Variants in MCIDAS observed in about 807,000 individuals in gnomAD.
The protein encoded by MCIDAS is multiciliate differentiation and DNA synthesis associated cell cycle protein.
Under a neutral mutation model 35.4 loss-of-function variants are expected in MCIDAS, and 23 were observed. The ratio of observed to expected loss-of-function variants is 0.65; its 90% CI spans 0.47 to 0.92. The LOEUF is 0.92. Among genes scored for constraint, MCIDAS ranks in the 40% least tolerant of loss-of-function variants. MCIDAS has a pLI of 0.00. For synonymous variants in MCIDAS, 228 were observed against 235.2 expected (o/e 0.97, Z 0.28); for missense variants, 480 against 531.8 (o/e 0.90, Z 0.96).
Position 55,220,530 on chromosome 5 carries a change from G to A in MCIDAS, c.994C>T (p.Arg332Trp). Residue 332 changes from arginine to tryptophan, a missense_variant, in exon 7 of 7, where the codon CGG becomes TGG. Physicochemically the swap from Arg to Trp is moderately radical, Grantham distance 101 (BLOSUM62 -3). Transcript: ENST00000513312. Reference protein sequence around the residue: ...AFRGLRTDCSRSALNLSHSEL... With the variant: ...AFRGLRTDCSWSALNLSHSEL... ...CTGTGGCTCAGGTTCAACGCGCTCC[G>A]GCTGCAGTCTGTGCGCAGCCCCCGG... is the stretch of plus-strand genomic sequence containing the variant. 6.5e-7 allele frequency: 1 copy of A among 1,536,062 alleles called. No individual in the cohort carries two copies. Among genetic ancestry groups the A allele is most frequent in the South Asian group, 1.2e-5 (1 of 84,046 alleles).
chr5:55,222,241 A>G lies in MCIDAS; in HGVS notation c.541T>C (p.Tyr181His), dbSNP rs1437359662. The G allele has an allele frequency of 2.0e-6, 3 of 1,535,908 alleles. No homozygotes were observed. The East Asian group carries it at 7.3e-5, about 38-fold the overall frequency. The change falls in exon 5 of 7, where the codon TAC becomes CAC. Residue 181 changes from tyrosine to histidine, a missense_variant. Transcript: ENST00000513312. ...RPPDVPPPEQ[Y>H]WKEVADQNQR... ...TTCTGGTCCGCCACCTCCTTCCAGT[A>G]TTGCTCAGGCGGGGGCACGTCTGGA...
At chr5:55,220,865 C>G in intron 6 of MCIDAS, 59 bp from the exon 7 acceptor site, 2 of 1,488,178 alleles carry the variant, frequency 1.3e-6, no homozygotes, top group South Asian at 1.3e-5. Flanking sequence ...GGGTTCGGAG[C>G]GTGCAAAAGG....
At position 55,220,382 on chromosome 5, in the gene MCIDAS, C is replaced by A. The variant is rs797045152; in HGVS notation, c.1142G>T (p.Arg381Leu). Residue 381 changes from arginine (R) to leucine (L), a missense_variant, in exon 7 of 7, where the codon CGC (arginine) becomes CTC (leucine). By Grantham distance (102) the Arg-to-Leu change is moderately radical. Transcript: ENST00000513312. ...IRTANGGYKF[R>L]WVPS ...CATCACAGCTCAACTGGGGACCCAG[C>A]GGAACTTGTAACCCCCGTTGGCTGT... 4 of 1,534,764 alleles carry A rather than the reference C, an allele frequency of 2.6e-6. No individual in the cohort carries two copies. Among genetic ancestry groups the A allele is most frequent in the Admixed American group, 2.0e-5 (1 of 50,952 alleles).
chr5:55,220,848 A>C, intron 6 of MCIDAS, 42 bp from the exon 7 acceptor site: 9 of 1,501,848 alleles, frequency 6.0e-6, no homozygotes, highest in Non-Finnish European at 8.0e-6. Context: ...GGCCTGCCGG[A>C]CCCTCCGGGT....
In MCIDAS at chr5:55,227,179, G is replaced by A. The variant is rs1239837996; in HGVS notation, c.-41C>T. 7.1e-7 allele frequency: 1 copy of A among 1,400,732 alleles called. No individual in the cohort carries two copies. The highest frequency in any genetic ancestry group is 1.5e-5 in the African/African-American group (1 of 66,004). 86.8% of individuals were successfully genotyped at this position (1,400,732 alleles called of 1,614,324 possible). A position where few individuals can be genotyped will look rare whatever the true frequency, so the allele number is the denominator to read the frequency against. ...CGGGTGCCGACTGCTCGGAGGCGGC[G>A]GCCCGGGCTGGGGCAGCGATCCACA... On this transcript the variant is annotated 5_prime_UTR_variant, in exon 1 of 7. Coordinates refer to ENST00000513312, the MANE Select transcript of MCIDAS (RefSeq NM_001190787.3).
At chr5:55,220,839 G>T in intron 6 of MCIDAS, 33 bp from the exon 7 acceptor site, 2 of 1,508,534 alleles carry the variant, frequency 1.3e-6, no homozygotes, top group Non-Finnish European at 8.8e-7. Context: ...CCGCCCTGGG[G>T]CCTGCCGGAC....
At position 55,220,449 on chromosome 5, in the gene MCIDAS, G is replaced by T; in HGVS notation, c.1075C>A (p.Arg359Ser). 6.5e-7 allele frequency: 1 copy of T among 1,536,044 alleles called. No homozygotes were observed. The highest frequency in any genetic ancestry group is 8.7e-7 in the Non-Finnish European group (1 of 1,146,910). ...TTGCCCTGGGGGAAGGCGAGGGTGCGGATGGTGCTGTGGCTGCGGATGCGG... is the reference window on the plus strand; with the variant it reads ...TTGCCCTGGGGGAAGGCGAGGGTGCTGATGGTGCTGTGGCTGCGGATGCGG... ...STRIRSHSTI[R>S]TLAFPQGNAF... The change falls in exon 7 of 7, where the codon CGC becomes AGC. Residue 359 changes from arginine to serine, a missense_variant. Coordinates refer to ENST00000513312, the MANE Select transcript of MCIDAS (RefSeq NM_001190787.3).
At position 55,220,445 on chromosome 5, in the gene MCIDAS, G is replaced by GTGCGGATGGTGCTGTGGC. The variant is rs1561114440; in HGVS notation, c.1061_1078dup (p.Ser354_Arg359dup). On this transcript the variant is annotated inframe_insertion, in exon 7 of 7. Coordinates refer to ENST00000513312, the MANE Select transcript of MCIDAS (RefSeq NM_001190787.3). ...GGCATTGCCCTGGGGGAAGGCGAGG[G>GTGCGGATGGTGCTGTGGC]TGCGGATGGTGCTGTGGCTGCGGAT... 6.5e-7 allele frequency: 1 copy of GTGCGGATGGTGCTGTGGC among 1,536,094 alleles called. No individual in the cohort carries two copies. Among genetic ancestry groups the GTGCGGATGGTGCTGTGGC allele is most frequent in the Non-Finnish European group, 8.7e-7 (1 of 1,146,906 alleles).
chr5:55,220,830 C>T, intron 6 of MCIDAS, 24 bp from the exon 7 acceptor site: 11 of 1,511,858 alleles, frequency 7.3e-6, no homozygotes, highest in Non-Finnish European at 8.8e-6. Flanking sequence ...GGAAGAGCGC[C>T]GCCCTGGGGC....
At chr5:55,225,073 G>C (rs1745433368) in intron 3 of MCIDAS, among the ~76,000 whole-genome samples, 1 of 152,148 alleles carries the variant, frequency 6.6e-6, no homozygotes. Context: ...GCTGGCCGTG[G>C]TGTGTGCACC....
chr5:55,227,140 G>A lies in MCIDAS; in HGVS notation c.-2C>T. 1 of 1,442,906 alleles carries A rather than the reference G, an allele frequency of 6.9e-7. No homozygotes were observed. The highest frequency in any genetic ancestry group is 9.0e-7 in the Non-Finnish European group (1 of 1,106,286). 89.4% of individuals were successfully genotyped at this position (1,442,906 alleles called of 1,614,324 possible). ...CGCGCCGCCCCCGCACGCCTGCATT[G>A]TGCCTCCTGCCTCCGGGTGCCGACT... On this transcript the variant is annotated 5_prime_UTR_variant, in exon 1 of 7. Transcript: ENST00000513312.
intron 4 of MCIDAS, 85 bp downstream of exon 4, chr5:55,222,866 T>C: frequency 8.7e-7 from 1 of 1,143,278 alleles, no homozygotes; most frequent in Non-Finnish European, 1.2e-6. Flanking sequence ...GTTTACCACC[T>C]TCACGACCAC....
intron 3 of MCIDAS, among the ~76,000 whole-genome samples, chr5:55,224,630 T>C (rs997375369): frequency 1.3e-5 from 2 of 152,192 alleles, no homozygotes; most frequent in Non-Finnish European, 1.5e-5. Flanking sequence ...AAAAGTCTCA[T>C]GAGGAGACTG....
intron 4 of MCIDAS, among the ~76,000 whole-genome samples, 159 bp from the exon 5 acceptor site, chr5:55,222,558 A>G: frequency 6.6e-6 from 1 of 152,198 alleles, no homozygotes. Context: ...CCTTCCTGAT[A>G]GCCTGTACAT....
chr5:55,222,870 C>G, intron 4 of MCIDAS, 81 bp downstream of exon 4: 1 of 1,306,114 alleles, frequency 7.7e-7, no homozygotes, highest in Non-Finnish European at 1.1e-6. Context: ...ACCACCTTCA[C>G]GACCACGAAA....
Position 55,220,469 on chromosome 5 carries a change from A to G in MCIDAS, c.1055T>C (p.Ile352Thr), listed in dbSNP as rs572572363. ...GGTGCGGATGGTGCTGTGGCTGCGGATGCGGGTGCTGAAGGAGCCGCCCTC... is the reference window on the plus strand; with the variant it reads ...GGTGCGGATGGTGCTGTGGCTGCGGGTGCGGGTGCTGAAGGAGCCGCCCTC... The part of the protein sequence containing the change: ...LEEGGSFSTR[I>T]RSHSTIRTLA... The change falls in exon 7 of 7, where the codon ATC (isoleucine) becomes ACC (threonine). Residue 352 changes from isoleucine (I) to threonine (T), a missense_variant. Coordinates refer to ENST00000513312, the MANE Select transcript of MCIDAS (RefSeq NM_001190787.3). 5.2e-6 allele frequency: 8 copies of G among 1,536,004 alleles called. No homozygotes were observed. The highest frequency in any genetic ancestry group is 7.0e-6 in the Non-Finnish European group (8 of 1,146,892).
In MCIDAS at chr5:55,220,632, G is replaced by A; in HGVS notation, c.892C>T (p.Arg298Cys). The change falls in exon 7 of 7, where the codon CGC becomes TGC. Residue 298 changes from arginine to cysteine, a missense_variant. Physicochemically the swap from Arg to Cys is radical, Grantham distance 180. Coordinates refer to ENST00000513312, the MANE Select transcript of MCIDAS (RefSeq NM_001190787.3). ...SERCDEALQS[R>C]DPKRPRLLPE... Reference sequence around the variant, plus strand: ...AGCAGTCGGGGCCGCTTGGGATCGCGGCTCTGAAGGGCTTCATCGCAGCGC... The same window carrying A: ...AGCAGTCGGGGCCGCTTGGGATCGCAGCTCTGAAGGGCTTCATCGCAGCGC... 1.8e-5 allele frequency: 28 copies of A among 1,536,114 alleles called. No individual in the cohort carries two copies. The highest frequency in any genetic ancestry group is 2.4e-5 in the Non-Finnish European group (28 of 1,146,892).
Position 55,222,208 on chromosome 5 carries a change from C to T in MCIDAS, c.574G>A (p.Ala192Thr). The T allele has an allele frequency of 6.5e-7, 1 of 1,535,554 alleles. No homozygotes were observed. The highest frequency in any genetic ancestry group is 8.7e-7 in the Non-Finnish European group (1 of 1,146,912). Residue 192 changes from alanine to threonine, a missense_variant, in exon 5 of 7, where the codon GCG (alanine) becomes ACG (threonine). Transcript: ENST00000513312. ...TTCTCAACAAGCGCGTCTCCCAACGCTCTCTGGTTCTGGTCCGCCACCTCC... is the reference window on the plus strand; with the variant it reads ...TTCTCAACAAGCGCGTCTCCCAACGTTCTCTGGTTCTGGTCCGCCACCTCC... ...WKEVADQNQR[A>T]LGDALVENNQ... is the part of the protein sequence containing the mutation.
In MCIDAS at chr5:55,220,598, G is replaced by A; in HGVS notation, c.926C>T (p.Pro309Leu). The change falls in exon 7 of 7, where the codon CCC becomes CTC. Residue 309 changes from proline to leucine, a missense_variant. Physicochemically the swap from Pro to Leu is moderately conservative, Grantham distance 98. Transcript: ENST00000513312. ...CCCGGGCCTGGTGTCAGTATTCGCGGGCTCTGGCAGCAGTCGGGGCCGCTT... is the reference window on the plus strand; with the variant it reads ...CCCGGGCCTGGTGTCAGTATTCGCGAGCTCTGGCAGCAGTCGGGGCCGCTT... ...DPKRPRLLPE[P>L]ANTDTRPGNL... 1.3e-6 allele frequency: 2 copies of A among 1,536,102 alleles called. No homozygotes were observed. Among genetic ancestry groups the A allele is most frequent in the Non-Finnish European group, 1.7e-6 (2 of 1,146,880 alleles).
Sources: allele counts gnomAD v4.1 joint callset (sites outside exome capture counted in the v4.1 genomes callset), GRCh38; gene constraint gnomAD v4.1.1; transcripts MANE v1.5; gene names NCBI Gene and HGNC (gene_info 2026-07-23, HGNC 2026-07-21).